LMNB1: variants seen among roughly 807,000 people sequenced by gnomAD.
The protein encoded by LMNB1 is lamin B1, also known as lamin-B1.
In LMNB1, 23 loss-of-function variants were observed where a neutral mutation model predicts 67.1. That is an observed-to-expected ratio of 0.34 (90% CI 0.25 to 0.49). The LOEUF (loss-of-function observed/expected upper bound fraction) is 0.49, where lower values mean the gene tolerates loss of function less well. Ranked by LOEUF, LMNB1 falls within the 20% of genes least tolerant of loss-of-function variation. The probability of loss-of-function intolerance (pLI) is 0.99; values close to 1 mark genes in which losing one functional copy is unlikely to be tolerated. For synonymous variants in LMNB1, 281 were observed against 282.9 expected, an observed-to-expected ratio of 0.99 and a Z score of 0.07; for missense variants, 634 against 746.5, an observed-to-expected ratio of 0.85 and a Z score of 1.76.
intron 1 of LMNB1, among the ~76,000 whole-genome samples, chr5:126,800,537 A>G (rs373777955): frequency 4.6e-5 from 7 of 151,048 alleles, no homozygotes; most frequent in East Asian, 1.9e-4. Context: ...TGCCATGCCA[A>G]GGAGCTTGCA....
chr5:126,793,945 T>C (rs561143187), intron 1 of LMNB1, among the ~76,000 whole-genome samples: 69 of 152,104 alleles, frequency 4.5e-4, no homozygotes, highest in African/African-American at 1.6e-3. Context: ...TGTGTAATTT[T>C]TTTTTTTGAG....
At chr5:126,781,577 C>T (rs1027694695) in intron 1 of LMNB1, among the ~76,000 whole-genome samples, 1 of 152,004 alleles carries the variant, frequency 6.6e-6, no homozygotes, top group Non-Finnish European at 1.5e-5. Context: ...GCTGGGATTA[C>T]AGGTGTGCAC....
intron 9 of LMNB1, among the ~76,000 whole-genome samples, chr5:126,827,867 G>C (rs1752034203): frequency 6.6e-6 from 1 of 152,168 alleles, no homozygotes; most frequent in South Asian, 2.1e-4. Context: ...GTCCCCTTAG[G>C]GGTTTTTTGT....
At position 126,789,698 on chromosome 5, in the gene LMNB1, G is replaced by A. The variant is rs527701203; in HGVS notation, c.359+11831G>A. On this transcript the variant is annotated intron_variant, in intron 1 of 10. Coordinates refer to ENST00000261366, the MANE Select transcript of LMNB1 (RefSeq NM_005573.4). ...TCCTTTGAATTTTTTTTTTGAGGACGAGACTTGCTGTGTCTTCTTGGCTGG... is the reference window on the plus strand; with the variant it reads ...TCCTTTGAATTTTTTTTTTGAGGACAAGACTTGCTGTGTCTTCTTGGCTGG... 1.3e-4 allele frequency among the ~76,000 whole-genome samples: 19 copies of A among 151,958 alleles called. No homozygotes were observed. The South Asian group carries it at 2.9e-3, about 23-fold the overall frequency.
chr5:126,810,577 G>A (rs186625620), intron 4 of LMNB1, among the ~76,000 whole-genome samples: 52 of 152,258 alleles, frequency 3.4e-4, no homozygotes, highest in African/African-American at 1.1e-3. Context: ...TTTATTAGAG[G>A]TTAGGTTTTG....
chr5:126,800,982 A>ATATATATATAAT, intron 1 of LMNB1, among the ~76,000 whole-genome samples: 3 of 18,630 alleles, frequency 1.6e-4, no homozygotes, highest in African/African-American at 5.1e-4. Context: ...TATATATATA[A>ATATATATATAAT]TTTTTTTTTT....
intron 9 of LMNB1, among the ~76,000 whole-genome samples, chr5:126,827,517 C>T (rs1049980025): frequency 3.3e-5 from 5 of 152,028 alleles, no homozygotes; most frequent in African/African-American, 9.7e-5. Flanking sequence ...AAGAATTAGC[C>T]GGGCATGGTG....
intron 1 of LMNB1, among the ~76,000 whole-genome samples, chr5:126,796,700 A>G (rs972037253): frequency 4.6e-5 from 7 of 152,012 alleles, no homozygotes; most frequent in Admixed American, 4.6e-4. Flanking sequence ...TGTGTATGTT[A>G]GTCTTAAGTC....
At chr5:126,836,013 T>C (rs1471845660) in intron 10 of LMNB1, among the ~76,000 whole-genome samples, 2 of 151,818 alleles carry the variant, frequency 1.3e-5, no homozygotes, top group Non-Finnish European at 2.9e-5. Flanking sequence ...ACCACTGCAC[T>C]CCAGCCTGGG....
At chr5:126,832,645 T>G in intron 9 of LMNB1, 49 bp from the exon 10 acceptor site, 3 of 1,321,716 alleles carry the variant, frequency 2.3e-6, no homozygotes, top group Non-Finnish European at 3.2e-6. Context: ...CTCCCCCGCA[T>G]TTGGTGATTT....
chr5:126,836,296 G>GA lies in LMNB1; in HGVS notation c.*32_*33insA. 6.7e-7 allele frequency: 1 copy of GA among 1,491,054 alleles called. No homozygotes were observed. Among genetic ancestry groups the GA allele is most frequent in the African/African-American group, 1.4e-5 (1 of 72,532 alleles). The allele number at this position is 1,491,054 out of a possible 1,614,324, so 92.4% of individuals were successfully genotyped here. On this transcript the variant is annotated 3_prime_UTR_variant, in exon 11 of 11. Coordinates refer to ENST00000261366, the MANE Select transcript of LMNB1 (RefSeq NM_005573.4). ...CAACTGTCTTCCTCAAAATAAAGAAGTATGGTAATCTTTACCTGTATACAG... is the reference window on the plus strand; with the variant it reads ...CAACTGTCTTCCTCAAAATAAAGAAGATATGGTAATCTTTACCTGTATACAG...
chr5:126,780,782 C>T (rs1482188094), intron 1 of LMNB1, among the ~76,000 whole-genome samples: 3 of 152,308 alleles, frequency 2.0e-5, no homozygotes, highest in East Asian at 1.9e-4. Context: ...AAACATGCCA[C>T]ATTTTAGTTT....
chr5:126,792,323 A>T (rs957837607), intron 1 of LMNB1, among the ~76,000 whole-genome samples: 9 of 150,708 alleles, frequency 6.0e-5, no homozygotes, highest in Admixed American at 2.0e-4. Context: ...TTGTATTTTT[A>T]GTAGAGATGG....
intron 4 of LMNB1, 155 bp from the exon 5 acceptor site, chr5:126,811,618 A>G: frequency 1.8e-6 from 1 of 565,070 alleles, no homozygotes; most frequent in South Asian, 2.6e-5. Flanking sequence ...AATTACCATC[A>G]TTCACACCAT....
chr5:126,802,239 C>A (rs548414269), intron 1 of LMNB1, among the ~76,000 whole-genome samples: 1 of 152,138 alleles, frequency 6.6e-6, no homozygotes, highest in African/African-American at 2.4e-5. Context: ...CATATGTGAT[C>A]AACATTTGGC....
rs73333466 is a variant in LMNB1 at position 126,800,055 on chromosome 5, T to C, written c.360-4721T>C. On this transcript the variant is annotated intron_variant, in intron 1 of 10. Coordinates refer to ENST00000261366, the MANE Select transcript of LMNB1 (RefSeq NM_005573.4). ...CTCTGTAACAGAGGCTGAGTACTTA[T>C]CTTTTCATGAGTTGTTATATTAAAG... Among the ~76,000 whole-genome samples, 1,067 of 152,286 alleles carry C rather than the reference T, an allele frequency of 7.0e-3. 11 individuals are homozygous for C. Among genetic ancestry groups the C allele is most frequent in the African/African-American group, 0.024 (1,018 of 41,562 alleles).
chr5:126,795,717 C>T (rs1014364756), intron 1 of LMNB1, among the ~76,000 whole-genome samples: 15 of 150,768 alleles, frequency 9.9e-5, no homozygotes, highest in Admixed American at 6.0e-4. Context: ...TCTGCCCCCC[C>T]GGGTTCAAGC....
intron 1 of LMNB1, among the ~76,000 whole-genome samples, chr5:126,781,625 G>A (rs997662353): frequency 6.6e-6 from 1 of 151,962 alleles, no homozygotes; most frequent in African/African-American, 2.4e-5. Context: ...TAGTAGAGAC[G>A]GGGTTTCACC....
At chr5:126,822,688 A>AAACC in intron 7 of LMNB1, 93 bp from the exon 8 acceptor site, 1 of 687,914 alleles carries the variant, frequency 1.5e-6, no homozygotes, top group South Asian at 2.0e-5. Context: ...AAGCGGTCTT[A>AAACC]GTTTAACTGC....
Sources: allele counts gnomAD v4.1 joint callset (sites outside exome capture counted in the v4.1 genomes callset), GRCh38; gene constraint gnomAD v4.1.1; transcripts MANE v1.5; gene names NCBI Gene and HGNC (gene_info 2026-07-23, HGNC 2026-07-21).